DIAPH1: variants seen among roughly 807,000 people sequenced by gnomAD.
DIAPH1 encodes protein diaphanous homolog 1.
Under a neutral mutation model 140.7 loss-of-function variants are expected in DIAPH1, and 46 were observed. That is an observed-to-expected ratio of 0.33 (90% CI 0.26 to 0.42). The LOEUF is 0.42. Ranked by LOEUF, DIAPH1 falls within the 10% of genes least tolerant of loss-of-function variation. The pLI, the probability that DIAPH1 is intolerant of heterozygous loss-of-function variation, is 1.00. For synonymous variants in DIAPH1, 565 were observed against 551.6 expected (o/e 1.02, Z -0.34); for missense variants, 1,310 against 1,558.7 (o/e 0.84, Z 2.69).
chr5:141,516,733 G>T lies in DIAPH1; in HGVS notation c.*118C>A. On this transcript the variant is annotated 3_prime_UTR_variant, in exon 28 of 28. Transcript: ENST00000389054. ...GCAGCAGGCCAGAGAGAAAGACAGG[G>T]TCAGGGTGGTGGGAGTGGCCACCCC... The T allele has an allele frequency of 9.2e-7, 1 of 1,084,582 alleles. No individual in the cohort carries two copies. The highest frequency in any genetic ancestry group is 1.4e-6 in the Non-Finnish European group (1 of 723,920). The allele number at this position is 1,084,582 out of a possible 1,614,324, so 67.2% of individuals were successfully genotyped here.
intron 1 of DIAPH1, among the ~76,000 whole-genome samples, chr5:141,588,528 G>T (rs1031938683): frequency 2.3e-4 from 34 of 150,132 alleles, no homozygotes; most frequent in African/African-American, 8.1e-4. Flanking sequence ...CGAATCTGAT[G>T]ACCGATACAC....
chr5:141,591,857 GT>G (rs2099898535), intron 1 of DIAPH1, among the ~76,000 whole-genome samples: 1 of 150,182 alleles, frequency 6.7e-6, no homozygotes, highest in African/African-American at 2.5e-5. Flanking sequence ...GCCGAGTCGG[GT>G]GGATCACGAG....
intron 18 of DIAPH1, among the ~76,000 whole-genome samples, chr5:141,556,384 A>C (rs1235072024): frequency 1.3e-5 from 2 of 152,210 alleles, no homozygotes; most frequent in Non-Finnish European, 2.9e-5. Context: ...GTGGCCAAAC[A>C]CAGTTGTCCC....
chr5:141,618,996 C>A lies in DIAPH1; in HGVS notation c.-82G>T, dbSNP rs886060035. 694 of 714,710 alleles carry A rather than the reference C, an allele frequency of 9.7e-4. 8 individuals carry two copies. The highest frequency in any genetic ancestry group is 8.2e-5 in the Non-Finnish European group (40 of 488,926). The allele number at this position is 714,710 out of a possible 1,614,324, so 44.3% of individuals were successfully genotyped here. A position where few individuals can be genotyped will look rare whatever the true frequency, so the allele number is the denominator to read the frequency against. On this transcript the variant is annotated 5_prime_UTR_variant, in exon 1 of 28. Transcript: ENST00000389054. ...CCGCGCCCGCCGCCGCCCAGTCGCT[C>A]TTTAGCCAGCCGCCGCGCCCCGCCT...
chr5:141,608,586 G>C (rs1183875082), intron 1 of DIAPH1, among the ~76,000 whole-genome samples: 1 of 152,200 alleles, frequency 6.6e-6, no homozygotes, highest in African/African-American at 2.4e-5. Context: ...TTTGGATCTA[G>C]AGTAGATACA....
At chr5:141,562,140 G>GT (rs1334677040) in intron 18 of DIAPH1, among the ~76,000 whole-genome samples, 7 of 151,308 alleles carry the variant, frequency 4.6e-5, no homozygotes, top group Non-Finnish European at 1.0e-4. Context: ...TTATGTATGA[G>GT]TTTTTTTTAG....
intron 18 of DIAPH1, among the ~76,000 whole-genome samples, chr5:141,548,257 A>G (rs1298317191): frequency 1.3e-5 from 2 of 151,642 alleles, no homozygotes; most frequent in East Asian, 1.9e-4. Flanking sequence ...ATGAAAAACA[A>G]TAAGACTGAC....
intron 1 of DIAPH1, among the ~76,000 whole-genome samples, chr5:141,608,696 C>T (rs912591503): frequency 6.6e-6 from 1 of 152,166 alleles, no homozygotes; most frequent in African/African-American, 2.4e-5. Context: ...GTGGCAATGT[C>T]TTAATTATTA....
At chr5:141,591,958 T>C (rs904472750) in intron 1 of DIAPH1, among the ~76,000 whole-genome samples, 6 of 150,240 alleles carry the variant, frequency 4.0e-5, no homozygotes, top group African/African-American at 1.5e-4. Flanking sequence ...GGCGCCTGCC[T>C]GTAATCCTAG....
chr5:141,613,382 CTCTT>C (rs1169004458), intron 1 of DIAPH1, among the ~76,000 whole-genome samples: 1 of 152,150 alleles, frequency 6.6e-6, no homozygotes, highest in African/African-American at 2.4e-5. Flanking sequence ...TTTATATAAT[CTCTT>C]TCTACTACTC....
At chr5:141,578,122 C>T (rs2099896227) in intron 11 of DIAPH1, 103 bp downstream of exon 11, 1 of 872,882 alleles carries the variant, frequency 1.1e-6, no homozygotes, top group Non-Finnish European at 2.0e-6. Context: ...AAGCCTGATG[C>T]TCTGTTCTGA....
chr5:141,561,361 TTTG>T (rs1210798019), intron 18 of DIAPH1, among the ~76,000 whole-genome samples: 3 of 151,670 alleles, frequency 2.0e-5, no homozygotes, highest in Admixed American at 6.5e-5. Context: ...TGAAAAGAGT[TTTG>T]TTTTTTTTTT....
intron 18 of DIAPH1, among the ~76,000 whole-genome samples, chr5:141,559,221 T>C (rs1475539235): frequency 2.0e-5 from 3 of 152,228 alleles, no homozygotes; most frequent in Non-Finnish European, 4.4e-5. Flanking sequence ...GGACTTCTGA[T>C]TTATATTCTT....
intron 1 of DIAPH1, among the ~76,000 whole-genome samples, chr5:141,592,969 G>T (rs546748155): frequency 7.6e-4 from 116 of 152,244 alleles, no homozygotes; most frequent in African/African-American, 2.6e-3. Context: ...TTTTTAGAAA[G>T]TAAGAAGTGA....
In DIAPH1 at chr5:141,574,165, A is replaced by G. The variant is rs2099895615; in HGVS notation, c.1685T>C (p.Met562Thr). 6.2e-7 allele frequency: 1 copy of G among 1,613,996 alleles called. No individual in the cohort carries two copies. Among genetic ancestry groups the G allele is most frequent in the Admixed American group, 1.7e-5 (1 of 59,988 alleles). The change falls in exon 16 of 28, where the codon ATG becomes ACG. Residue 562 changes from methionine to threonine, a missense_variant. Coordinates refer to ENST00000389054, the MANE Select transcript of DIAPH1 (RefSeq NM_005219.5). ...AATAGCTGCCGCAGAGAGGGAAGCCATTTCTTTCTTGGCATCTTCCAGTTC... is the reference window on the plus strand; with the variant it reads ...AATAGCTGCCGCAGAGAGGGAAGCCGTTTCTTTCTTGGCATCTTCCAGTTC... Reference protein sequence around the residue: ...TKELEDAKKEMASLSAAAITV... With the variant: ...TKELEDAKKETASLSAAAITV...
chr5:141,603,627 C>T (rs1011785160), intron 1 of DIAPH1, among the ~76,000 whole-genome samples: 8 of 152,258 alleles, frequency 5.3e-5, no homozygotes, highest in East Asian at 1.9e-4. Context: ...CAATAATTTG[C>T]TTATAAATTT....
chr5:141,591,882 G>C (rs1356255028), intron 1 of DIAPH1, among the ~76,000 whole-genome samples: 1 of 149,874 alleles, frequency 6.7e-6, no homozygotes, highest in Non-Finnish European at 1.5e-5. Flanking sequence ...AGGAGTTTGA[G>C]ACCAGCCTGA....
intron 18 of DIAPH1, 39 bp downstream of exon 18, chr5:141,571,389 T>C (rs1248472547): frequency 3.9e-6 from 6 of 1,552,662 alleles, no homozygotes; most frequent in Middle Eastern, 1.7e-4. Context: ...TTCTCTAATA[T>C]TCAAGAGACC....
At chr5:141,591,044 A>G (rs1249234638) in intron 1 of DIAPH1, among the ~76,000 whole-genome samples, 1 of 152,076 alleles carries the variant, frequency 6.6e-6, no homozygotes, top group Non-Finnish European at 1.5e-5. Context: ...TTAAAATCAA[A>G]ATTCCTGTGC....
Sources: allele counts gnomAD v4.1 joint callset (sites outside exome capture counted in the v4.1 genomes callset), GRCh38; gene constraint gnomAD v4.1.1; transcripts MANE v1.5; gene names NCBI Gene and HGNC (gene_info 2026-07-23, HGNC 2026-07-21).